GSTCD: variants seen among roughly 807,000 people sequenced by gnomAD.
GSTCD encodes glutathione S-transferase C-terminal domain-containing protein.
GSTCD carries 44 observed loss-of-function variants against 68.3 expected under a neutral mutation model. The ratio of observed to expected loss-of-function variants is 0.64; its 90% CI spans 0.51 to 0.83. GSTCD has a LOEUF of 0.83. GSTCD is among the 40% of genes least tolerant of loss of function. The pLI is 0.00. For synonymous variants in GSTCD, 273 were observed against 255.2 expected (o/e 1.07, Z -0.67); for missense variants, 739 against 735.9 (o/e 1.00, Z -0.05).
chr4:105,730,187 G>C (rs1430137846), intron 5 of GSTCD, among the ~76,000 whole-genome samples: 1 of 152,160 alleles, frequency 6.6e-6, no homozygotes, highest in Non-Finnish European at 1.5e-5. Flanking sequence ...ATTGTGAATA[G>C]TGCCGCAATG....
At chr4:105,779,498 T>C (rs1272151432) in intron 5 of GSTCD, among the ~76,000 whole-genome samples, 1 of 152,218 alleles carries the variant, frequency 6.6e-6, no homozygotes, top group African/African-American at 2.4e-5. Flanking sequence ...TATTTAACAT[T>C]TTTCATTTTT....
chr4:105,716,101 A>G (rs769663995), intron 1 of GSTCD, among the ~76,000 whole-genome samples: 6 of 152,204 alleles, frequency 3.9e-5, no homozygotes, highest in Non-Finnish European at 7.3e-5. Context: ...TTGCTTATAT[A>G]TATAATAAAC....
intron 8 of GSTCD, among the ~76,000 whole-genome samples, chr4:105,826,883 A>G (rs1008273201): frequency 1.3e-5 from 2 of 152,170 alleles, no homozygotes; most frequent in Non-Finnish European, 1.5e-5. Flanking sequence ...TAACTAATTC[A>G]GACCTTTTAT....
intron 5 of GSTCD, among the ~76,000 whole-genome samples, chr4:105,791,934 G>C (rs1243375689): frequency 6.6e-6 from 1 of 151,954 alleles, no homozygotes; most frequent in Non-Finnish European, 1.5e-5. Flanking sequence ...AACTTAATAA[G>C]CATTTATATC....
At chr4:105,822,065 C>CT (rs1723321019) in intron 5 of GSTCD, among the ~76,000 whole-genome samples, 1 of 151,820 alleles carries the variant, frequency 6.6e-6, no homozygotes, top group Admixed American at 6.6e-5. Flanking sequence ...AGGATTTTCC[C>CT]TTTTATCTAT....
At chr4:105,779,034 C>T (rs866300058) in intron 5 of GSTCD, among the ~76,000 whole-genome samples, 1 of 151,992 alleles carries the variant, frequency 6.6e-6, no homozygotes, top group Non-Finnish European at 1.5e-5. Context: ...CTTAAATAAC[C>T]AAAAAACAAT....
chr4:105,733,937 C>T (rs1305356994), intron 5 of GSTCD, among the ~76,000 whole-genome samples: 2 of 152,164 alleles, frequency 1.3e-5, no homozygotes, highest in African/African-American at 2.4e-5. Flanking sequence ...ATTTCTCCTT[C>T]ACTTATGAAG....
At chr4:105,822,194 T>A (rs1438156971) in intron 5 of GSTCD, among the ~76,000 whole-genome samples, 1 of 152,068 alleles carries the variant, frequency 6.6e-6, no homozygotes, top group East Asian at 1.9e-4. Flanking sequence ...TGGATTTGAC[T>A]AGCAGTTTTG....
At chr4:105,734,849 T>C (rs193261130) in intron 5 of GSTCD, among the ~76,000 whole-genome samples, 13 of 152,324 alleles carry the variant, frequency 8.5e-5, no homozygotes, top group African/African-American at 2.9e-4. Flanking sequence ...GACGTACAGA[T>C]GGGGTTTTGG....
chr4:105,750,830 C>T (rs1355179430), intron 5 of GSTCD, among the ~76,000 whole-genome samples: 1 of 152,114 alleles, frequency 6.6e-6, no homozygotes, highest in Non-Finnish European at 1.5e-5. Context: ...ACTATTAATA[C>T]TTGCAACAAG....
chr4:105,823,365 A>G, intron 7 of GSTCD, 90 bp downstream of exon 7: 1 of 1,055,756 alleles, frequency 9.5e-7, no homozygotes, highest in South Asian at 1.3e-5. Context: ...TGGAGTTTCT[A>G]GTCACTCACC....
At chr4:105,726,517 C>T (rs1317752377) in intron 3 of GSTCD, 62 bp from the exon 4 acceptor site, 8 of 1,089,810 alleles carry the variant, frequency 7.3e-6, no homozygotes, top group Non-Finnish European at 1.0e-5. Flanking sequence ...GTAAAGTTAC[C>T]TCAACACAGC....
chr4:105,823,294 A>C lies in GSTCD; in HGVS notation c.1401+19A>C, dbSNP rs541526893. 6.2e-7 allele frequency: 1 copy of C among 1,611,678 alleles called. No individual in the cohort carries two copies. The highest frequency in any genetic ancestry group is 1.3e-5 in the African/African-American group (1 of 74,860). On this transcript the variant is annotated intron_variant, in intron 7 of 11. Coordinates refer to ENST00000515279, the MANE Select transcript of GSTCD (RefSeq NM_001370181.1). ...ATGTCAGGTAAAGCCAGAATAAGAG[A>C]TAAAAGGAAATATTTTAAAATTATA...
intron 5 of GSTCD, among the ~76,000 whole-genome samples, chr4:105,799,388 ACATGCCTTCCT>A (rs1298244763): frequency 6.6e-6 from 1 of 152,168 alleles, no homozygotes; most frequent in East Asian, 1.9e-4. Flanking sequence ...TCAGCTTTCA[ACATGCCTTCCT>A]CACTAACCTT....
chr4:105,737,092 T>G (rs1294670), intron 5 of GSTCD, among the ~76,000 whole-genome samples: 1 of 152,024 alleles, frequency 6.6e-6, no homozygotes, highest in Non-Finnish European at 1.5e-5. Context: ...TTTCTTTTCT[T>G]TTGGATATAT....
chr4:105,846,518 C>T lies in GSTCD; in HGVS notation c.*941C>T, dbSNP rs1375732543. 2 of 151,994 alleles carry T rather than the reference C, an allele frequency of 1.3e-5. No homozygotes were observed. Among genetic ancestry groups the T allele is most frequent in the African/African-American group, 4.8e-5 (2 of 41,368 alleles). The allele number at this position is 151,994 out of a possible 1,614,324, so 9.4% of individuals were successfully genotyped here. The stretch of plus-strand genomic sequence containing the variant: ...TTAACAATAAGTACATTGATTAATA[C>T]ATTTAAGTTTATAAGTAATTATTGA... On this transcript the variant is annotated 3_prime_UTR_variant, in exon 12 of 12. Coordinates refer to ENST00000515279, the MANE Select transcript of GSTCD (RefSeq NM_001370181.1).
chr4:105,820,533 C>T (rs1011877853), intron 5 of GSTCD: 4 of 151,830 alleles, frequency 2.6e-5, no homozygotes, highest in Non-Finnish European at 5.9e-5. Context: ...CAAAATACCA[C>T]TTCTTTACCT....
At chr4:105,788,830 C>T (rs1387922681) in intron 5 of GSTCD, among the ~76,000 whole-genome samples, 4 of 151,580 alleles carry the variant, frequency 2.6e-5, no homozygotes, top group African/African-American at 9.7e-5. Context: ...CTTATATTAT[C>T]CCTACTTTTT....
intron 5 of GSTCD, among the ~76,000 whole-genome samples, chr4:105,730,365 T>C (rs1367497136): frequency 6.6e-6 from 1 of 152,216 alleles, no homozygotes; most frequent in Non-Finnish European, 1.5e-5. Flanking sequence ...ACCAACAGTG[T>C]AAAAGTGTTC....
Sources: allele counts gnomAD v4.1 joint callset (sites outside exome capture counted in the v4.1 genomes callset), GRCh38; gene constraint gnomAD v4.1.1; transcripts MANE v1.5; gene names NCBI Gene and HGNC (gene_info 2026-07-23, HGNC 2026-07-21).